The following NXPE4 variants were observed in gnomAD, a reference collection of about 807,000 sequenced individuals.
NXPE4 encodes NXPE family member 4.
Under a neutral mutation model 33.3 loss-of-function variants are expected in NXPE4, and 42 were observed. The ratio of observed to expected loss-of-function variants is 1.26; its 90% CI spans 0.98 to 1.63. NXPE4 has a LOEUF of 1.63. Among genes scored for constraint, NXPE4 ranks in the 40% most tolerant of loss-of-function variants. The pLI, the probability that NXPE4 is intolerant of heterozygous loss-of-function variation, is 0.00. For synonymous variants in NXPE4, 253 were observed against 234.9 expected, an observed-to-expected ratio of 1.08 and a Z score of -0.71; for missense variants, 709 against 647.6, an observed-to-expected ratio of 1.09 and a Z score of -1.03.
the NXPE4 span, among the ~76,000 whole-genome samples, chr11:114,616,022 C>T: frequency 9.8e-4 from 149 of 151,806 alleles, 2 homozygotes; most frequent in South Asian, 9.3e-3. Context: ...AGTATTGCCT[C>T]GTGGGTAACC....
the NXPE4 span, among the ~76,000 whole-genome samples, chr11:114,615,331 C>T: frequency 9.2e-5 from 14 of 151,830 alleles, no homozygotes; most frequent in Non-Finnish European, 1.3e-4. Flanking sequence ...CACCATTACC[C>T]GCCGGATACT....
At chr11:114,577,544 T>C (rs893606834) in intron 5 of NXPE4, among the ~76,000 whole-genome samples, 2 of 152,028 alleles carry the variant, frequency 1.3e-5, no homozygotes, top group African/African-American at 4.8e-5. Flanking sequence ...CAAAAACCTA[T>C]TGAAATAAAA....
At chr11:114,580,413 C>T in intron 4 of NXPE4, 75 bp from the exon 5 acceptor site, 1 of 1,232,972 alleles carries the variant, frequency 8.1e-7, no homozygotes, top group South Asian at 1.2e-5. Context: ...AGCCTTCTAT[C>T]CTCTAAGTAT....
At chr11:114,595,440 C>T (rs570060003) in intron 1 of NXPE4, among the ~76,000 whole-genome samples, 152 bp downstream of exon 1, 13 of 152,194 alleles carry the variant, frequency 8.5e-5, no homozygotes, top group African/African-American at 3.1e-4. Context: ...TGCTGCCTTT[C>T]TAAAACTTTC....
the NXPE4 span, among the ~76,000 whole-genome samples, chr11:114,667,960 G>A: frequency 6.6e-6 from 1 of 151,826 alleles, no homozygotes; most frequent in Non-Finnish European, 1.5e-5. Flanking sequence ...ATACACAGAG[G>A]ATACAGAAAC....
chr11:114,671,722 A>T, the NXPE4 span, among the ~76,000 whole-genome samples: 1 of 152,040 alleles, frequency 6.6e-6, no homozygotes, highest in Non-Finnish European at 1.5e-5. Context: ...GAAGAGGAAA[A>T]AGAGAAATTC....
intron 5 of NXPE4, 46 bp from the exon 6 acceptor site, chr11:114,571,519 C>A (rs1948886501): frequency 1.3e-6 from 2 of 1,482,400 alleles, no homozygotes; most frequent in Non-Finnish European, 9.1e-7. Context: ...GATATAGTTA[C>A]CAAGATTGAG....
chr11:114,617,836 T>A, the NXPE4 span, among the ~76,000 whole-genome samples: 1 of 152,132 alleles, frequency 6.6e-6, no homozygotes, highest in African/African-American at 2.4e-5. Flanking sequence ...GGGAAACCAG[T>A]GTTACCCAGT....
intron 5 of NXPE4, among the ~76,000 whole-genome samples, chr11:114,571,937 C>T (rs1448646316): frequency 6.6e-6 from 1 of 152,192 alleles, no homozygotes; most frequent in Non-Finnish European, 1.5e-5. Flanking sequence ...GGCTGGAGGC[C>T]AACGAACACA....
chr11:114,602,422 A>G, the NXPE4 span, among the ~76,000 whole-genome samples: 1 of 133,148 alleles, frequency 7.5e-6, no homozygotes, highest in Non-Finnish European at 1.5e-5. Flanking sequence ...GAACATATCA[A>G]TAAATGTAAT....
At chr11:114,573,487 G>A (rs1948935632) in intron 5 of NXPE4, among the ~76,000 whole-genome samples, 1 of 151,808 alleles carries the variant, frequency 6.6e-6, no homozygotes, top group Non-Finnish European at 1.5e-5. Context: ...TAACACATAA[G>A]AACTCACATA....
the NXPE4 span, among the ~76,000 whole-genome samples, chr11:114,609,942 G>A: frequency 0.069 from 10,520 of 151,664 alleles, 789 homozygotes; most frequent in East Asian, 0.34. Flanking sequence ...GTGTTGCCTC[G>A]TGGGTAACCA....
At chr11:114,623,458 G>A in the NXPE4 span, among the ~76,000 whole-genome samples, 22 of 151,996 alleles carry the variant, frequency 1.4e-4, no homozygotes, top group Admixed American at 7.2e-4. Flanking sequence ...ACTGTTATCC[G>A]GTGCATAATA....
chr11:114,580,278 C>G lies in NXPE4; in HGVS notation c.953G>C (p.Gly318Ala). 6.2e-7 allele frequency: 1 copy of G among 1,613,962 alleles called. No individual in the cohort carries two copies. Among genetic ancestry groups the G allele is most frequent in the Non-Finnish European group, 8.5e-7 (1 of 1,179,898 alleles). ...KFGMTSTIPS[G>A]HVWRNTWNPV... ...ATTCCATGTGTTTCTCCAGACATGC[C>G]CACTGGGGATTGTGGATGTCATTCC... Residue 318 changes from glycine (G) to alanine (A), a missense_variant, in exon 5 of 6, where the codon GGG becomes GCG. Coordinates refer to ENST00000375478, the MANE Select transcript of NXPE4 (RefSeq NM_001077639.2).
chr11:114,633,001 TA>T, the NXPE4 span, among the ~76,000 whole-genome samples: 2 of 106,186 alleles, frequency 1.9e-5, no homozygotes, highest in Non-Finnish European at 3.4e-5. Context: ...TAATATATAA[TA>T]ATATATATTA....
chr11:114,670,017 C>G, the NXPE4 span, among the ~76,000 whole-genome samples: 1 of 152,020 alleles, frequency 6.6e-6, no homozygotes, highest in Non-Finnish European at 1.5e-5. Flanking sequence ...ACTAATTTAC[C>G]AGAGGAAACT....
the NXPE4 span, among the ~76,000 whole-genome samples, chr11:114,641,847 A>G: frequency 2.6e-5 from 4 of 152,098 alleles, no homozygotes; most frequent in Admixed American, 2.6e-4. Flanking sequence ...GATTTTTTAA[A>G]GATTATTTGG....
chr11:114,620,191 C>T, the NXPE4 span, among the ~76,000 whole-genome samples: 52 of 152,010 alleles, frequency 3.4e-4, no homozygotes, highest in Non-Finnish European at 4.7e-4. Context: ...CACCATTACC[C>T]GCTGGATACT....
the NXPE4 span, among the ~76,000 whole-genome samples, chr11:114,652,385 A>G: frequency 2.0e-5 from 3 of 152,194 alleles, no homozygotes; most frequent in Non-Finnish European, 4.4e-5. Flanking sequence ...CTAGACTGCG[A>G]TTTGTACAGT....
Sources: allele counts gnomAD v4.1 joint callset (sites outside exome capture counted in the v4.1 genomes callset), GRCh38; gene constraint gnomAD v4.1.1; transcripts MANE v1.5; gene names NCBI Gene and HGNC (gene_info 2026-07-23, HGNC 2026-07-21).